Variants in GABRR2 observed in about 807,000 individuals in gnomAD.
GABRR2 encodes gamma-aminobutyric acid receptor subunit rho-2.
A neutral mutation model predicts 47.0 loss-of-function variants in GABRR2; 36 were observed. That is an observed-to-expected ratio of 0.77 (90% CI 0.59 to 1.01). The LOEUF (loss-of-function observed/expected upper bound fraction) is 1.01, where lower values mean the gene tolerates loss of function less well. Ranked by LOEUF, GABRR2 falls within the 50% of genes least tolerant of loss-of-function variation. The probability of loss-of-function intolerance (pLI) is 0.00; values close to 1 mark genes in which losing one functional copy is unlikely to be tolerated. For synonymous variants in GABRR2, 204 were observed against 227.5 expected (o/e 0.90, Z 0.93); for missense variants, 587 against 594.6 (o/e 0.99, Z 0.13).
At chr6:89,266,964 G>A (rs926203062) in intron 6 of GABRR2, among the ~76,000 whole-genome samples, 1 of 150,660 alleles carries the variant, frequency 6.6e-6, no homozygotes, top group African/African-American at 2.5e-5. Flanking sequence ...AGGACCAGGG[G>A]CATGTGTCAC....
In GABRR2 at chr6:89,280,414, T is replaced by G. The variant is rs556357346; in HGVS notation, c.221-8692A>C. ...ACAGTCTGGTCTGAAGGGGGCTGAA[T>G]ACACACTGGAGGAAGGAATGACTCT... On this transcript the variant is annotated intron_variant, in intron 2 of 8. Transcript: ENST00000402938. Among the ~76,000 whole-genome samples, 24 of 152,024 alleles carry G rather than the reference T, an allele frequency of 1.6e-4. No individual in the cohort carries two copies. The East Asian group carries it at 4.3e-3, about 27-fold the overall frequency.
chr6:89,306,388 A>G (rs1349413292), intron 1 of GABRR2, among the ~76,000 whole-genome samples: 2 of 152,194 alleles, frequency 1.3e-5, no homozygotes, highest in Admixed American at 6.6e-5. Context: ...TCGTGATGTT[A>G]TAAGAATGGT....
chr6:89,304,162 A>G (rs1767511693), intron 1 of GABRR2, among the ~76,000 whole-genome samples: 1 of 152,214 alleles, frequency 6.6e-6, no homozygotes, highest in Non-Finnish European at 1.5e-5. Context: ...TAGTAAATAG[A>G]CACCCTACAG....
At chr6:89,286,291 G>A (rs1326924183) in intron 2 of GABRR2, among the ~76,000 whole-genome samples, 2 of 152,186 alleles carry the variant, frequency 1.3e-5, no homozygotes, top group African/African-American at 4.8e-5. Context: ...ACTGATTAAA[G>A]TGTACAAGTT....
intron 2 of GABRR2, among the ~76,000 whole-genome samples, chr6:89,284,593 C>T (rs913054355): frequency 1.3e-5 from 2 of 152,076 alleles, no homozygotes; most frequent in Non-Finnish European, 2.9e-5. Context: ...TGGCTTTGAC[C>T]ACAAAGAAAG....
chr6:89,257,869 T>G lies in GABRR2; in HGVS notation c.1199A>C (p.Glu400Ala). The G allele has an allele frequency of 6.2e-7, 1 of 1,614,064 alleles. No homozygotes were observed. ...CACTATTTTGTCTTGCCTTTCTTCT[T>G]CTGTCAGGATATGGCTTCTGGGGTA... ...AGYPRSHILTEEERQDKIVVH... is the reference protein window; with the variant it reads ...AGYPRSHILTAEERQDKIVVH... Residue 400 changes from glutamate (E) to alanine (A), a missense_variant, in exon 9 of 9, where the codon GAA (glutamate) becomes GCA (alanine). Physicochemically the swap from Glu to Ala is moderately radical, Grantham distance 107. Transcript: ENST00000402938.
At chr6:89,296,590 C>A (rs1255767294) in intron 2 of GABRR2, among the ~76,000 whole-genome samples, 1 of 152,178 alleles carries the variant, frequency 6.6e-6, no homozygotes, top group East Asian at 1.9e-4. Context: ...AAAGTCAGAG[C>A]CCTCCCCAGG....
intron 1 of GABRR2, among the ~76,000 whole-genome samples, chr6:89,303,667 A>C (rs1253042180): frequency 1.3e-5 from 2 of 149,658 alleles, no homozygotes; most frequent in Non-Finnish European, 3.0e-5. Context: ...AAAAAAAAAA[A>C]AACCCAAAGC....
chr6:89,311,270 G>A (rs1480086459), intron 1 of GABRR2, among the ~76,000 whole-genome samples: 1 of 152,206 alleles, frequency 6.6e-6, no homozygotes, highest in Admixed American at 6.5e-5. Context: ...CTCACAGGGA[G>A]TAAATCCCTC....
At chr6:89,259,852 G>T (rs1773702201) in intron 8 of GABRR2, among the ~76,000 whole-genome samples, 1 of 150,476 alleles carries the variant, frequency 6.6e-6, no homozygotes, top group South Asian at 2.1e-4. Flanking sequence ...AGGGAATTGG[G>T]GATAAAAGGT....
intron 2 of GABRR2, among the ~76,000 whole-genome samples, chr6:89,292,736 A>G (rs1222308160): frequency 1.2e-4 from 16 of 133,520 alleles, no homozygotes; most frequent in Non-Finnish European, 2.0e-4. Flanking sequence ...CGTATATATC[A>G]TATATAATCG....
intron 1 of GABRR2, among the ~76,000 whole-genome samples, chr6:89,308,411 C>T (rs1207785346): frequency 2.0e-5 from 3 of 152,186 alleles, no homozygotes; most frequent in Non-Finnish European, 4.4e-5. Context: ...CCCCATGCAG[C>T]TCGTTGCTAC....
At chr6:89,307,711 A>G (rs1767593415) in intron 1 of GABRR2, among the ~76,000 whole-genome samples, 1 of 152,124 alleles carries the variant, frequency 6.6e-6, no homozygotes, top group African/African-American at 2.4e-5. Flanking sequence ...TGTGTGCAGC[A>G]TATTGAAGGT....
chr6:89,292,057 C>T lies in GABRR2; in HGVS notation c.220+7702G>A, dbSNP rs562401339. 7.0e-4 allele frequency among the ~76,000 whole-genome samples: 107 copies of T among 152,202 alleles called. No individual in the cohort carries two copies. In the South Asian group the frequency reaches 9.3e-3, roughly 13 times the overall value. On this transcript the variant is annotated intron_variant, in intron 2 of 8. Coordinates refer to ENST00000402938, the MANE Select transcript of GABRR2 (RefSeq NM_002043.5). ...GTCTGTCTTGCTGCCTACTGGGTCG[C>T]TAGGGCCAAGGACTGCCCAACACAT...
intron 3 of GABRR2, among the ~76,000 whole-genome samples, chr6:89,270,755 G>A (rs986342377): frequency 2.6e-5 from 4 of 152,200 alleles, no homozygotes; most frequent in African/African-American, 2.4e-5. Flanking sequence ...GAGCCTCCCC[G>A]ACTTTTATTT....
Position 89,254,841 on chromosome 6 carries a change from G to T in GABRR2, c.*2829C>A, listed in dbSNP as rs1045538825. ...GACTAGTATACTGTAATAAGGCAAT[G>T]CTAAATACAATGGTGTCATTGTATC... On this transcript the variant is annotated 3_prime_UTR_variant, in exon 9 of 9. Transcript: ENST00000402938. Among the ~76,000 whole-genome samples the T allele has an allele frequency of 2.6e-5, 4 of 152,128 alleles. No individual in the cohort carries two copies. Among genetic ancestry groups the T allele is most frequent in the Non-Finnish European group, 5.9e-5 (4 of 68,022 alleles).
In GABRR2 at chr6:89,257,603, C is replaced by T. The variant is rs1773629031; in HGVS notation, c.*67G>A. ...GTGAGGGGCGTGTGGTCAACAAGTC[C>T]GTCTGTCAATGACTGGCCAGGCCCC... is the stretch of plus-strand genomic sequence containing the variant. On this transcript the variant is annotated 3_prime_UTR_variant, in exon 9 of 9. Coordinates refer to ENST00000402938, the MANE Select transcript of GABRR2 (RefSeq NM_002043.5). The T allele has an allele frequency of 5.4e-6, 7 of 1,297,096 alleles. No individual in the cohort carries two copies. In the East Asian group the frequency reaches 1.2e-4, roughly 23 times the overall value. 80.3% of individuals were successfully genotyped at this position (1,297,096 alleles called of 1,614,324 possible).
rs1242640059 is a variant in GABRR2 at position 89,280,253 on chromosome 6, T to TATATACAC, written c.221-8532_221-8531insGTGTATAT. On this transcript the variant is annotated intron_variant, in intron 2 of 8. Transcript: ENST00000402938. ...ATATATATATATATATATATATATA[T>TATATACAC]ACATACATATACATATACACATACA... Among the ~76,000 whole-genome samples the TATATACAC allele has an allele frequency of 5.9e-3, 728 of 124,410 alleles. 1 individual carries two copies. Among genetic ancestry groups the TATATACAC allele is most frequent in the Non-Finnish European group, 8.5e-3 (501 of 59,072 alleles). The allele number at this position is 124,410 out of a possible 152,430, so 81.6% of individuals were successfully genotyped here.
chr6:89,285,660 G>A (rs1055174947), intron 2 of GABRR2, among the ~76,000 whole-genome samples: 6 of 152,214 alleles, frequency 3.9e-5, no homozygotes, highest in African/African-American at 1.4e-4. Context: ...GGGTGATGCT[G>A]ATCCACACTC....
Sources: allele counts gnomAD v4.1 joint callset (sites outside exome capture counted in the v4.1 genomes callset), GRCh38; gene constraint gnomAD v4.1.1; transcripts MANE v1.5; gene names NCBI Gene and HGNC (gene_info 2026-07-23, HGNC 2026-07-21).